EIF4B: variants seen among roughly 807,000 people sequenced by gnomAD.
EIF4B encodes the protein eukaryotic translation initiation factor 4B.
In EIF4B, 8 loss-of-function variants were observed where a neutral mutation model predicts 79.3. The ratio of observed to expected loss-of-function variants is 0.10; its 90% confidence interval spans 0.06 to 0.18. EIF4B has a LOEUF of 0.18. Ranked by LOEUF, EIF4B falls within the 10% of genes least tolerant of loss-of-function variation. The probability of loss-of-function intolerance (pLI) is 1.00; values close to 1 mark genes in which losing one functional copy is unlikely to be tolerated. For synonymous variants in EIF4B, 238 were observed against 274.7 expected (o/e 0.87, Z 1.32); for missense variants, 515 against 792.4 (o/e 0.65, Z 4.20).
chr12:53,026,762 C>T (rs1027205202), intron 6 of EIF4B, among the ~76,000 whole-genome samples: 1 of 152,038 alleles, frequency 6.6e-6, no homozygotes, highest in African/African-American at 2.4e-5. Context: ...CCACCATGCC[C>T]GGCTAATTTT....
intron 10 of EIF4B, among the ~76,000 whole-genome samples, chr12:53,037,099 A>ATATG (rs1555154409): frequency 1.3e-5 from 2 of 152,206 alleles, no homozygotes; most frequent in Non-Finnish European, 2.9e-5. Flanking sequence ...TCCTCTTCAC[A>ATATG]TATGTATATT....
intron 11 of EIF4B, 90 bp from the exon 12 acceptor site, chr12:53,038,266 C>T: frequency 2.6e-6 from 3 of 1,175,056 alleles, no homozygotes; most frequent in Non-Finnish European, 3.6e-6. Flanking sequence ...TTCTATAAAG[C>T]TTACCCACTG....
Position 53,019,910 on chromosome 12 carries a change from A to G in EIF4B, c.361A>G (p.Ile121Val). The G allele has an allele frequency of 6.2e-7, 1 of 1,608,156 alleles. No homozygotes were observed. Among genetic ancestry groups the G allele is most frequent in the Non-Finnish European group, 8.5e-7 (1 of 1,178,324 alleles). The change falls in exon 4 of 15, where the codon ATC (isoleucine) becomes GTC (valine). Residue 121 changes from isoleucine (I) to valine (V), a missense_variant and splice_region_variant. By Grantham distance (29) the Ile-to-Val change is conservative (BLOSUM62 3). Around this residue, in one of 6 missense-constraint regions of EIF4B, gnomAD observed 105 missense variants for 177.2 expected, o/e 0.59. Coordinates refer to ENST00000262056, the MANE Select transcript of EIF4B (RefSeq NM_001417.7). The part of the protein sequence containing the change: ...SIKEFFRGLN[I>V]SAVRLPREPS... Reference sequence around the variant, plus strand: ...TTGTTGTTGATTCTTATTCCTTCAGATCAGTGCAGTGCGTTTACCACGTGA... The same window carrying G: ...TTGTTGTTGATTCTTATTCCTTCAGGTCAGTGCAGTGCGTTTACCACGTGA...
Position 53,018,839 on chromosome 12 carries a change from G to A in EIF4B, c.193G>A (p.Ala65Thr). 1 of 1,613,352 alleles carries A rather than the reference G, an allele frequency of 6.2e-7. No homozygotes were observed. The highest frequency in any genetic ancestry group is 1.1e-5 in the South Asian group (1 of 91,048). Residue 65 changes from alanine (A) to threonine (T), a missense_variant, in exon 3 of 15, where the codon GCG becomes ACG. Coordinates refer to ENST00000262056, the MANE Select transcript of EIF4B (RefSeq NM_001417.7). ...WHSNDDDVYR[A>T]PPIDRSILPT... ...CAGTAACGATGACGATGTGTATAGG[G>A]CGCCTCCAATTGACCGTTCCATCCT...
chr12:53,034,805 C>A, intron 10 of EIF4B, 96 bp downstream of exon 10: 6 of 1,387,902 alleles, frequency 4.3e-6, no homozygotes, highest in South Asian at 1.2e-5. Context: ...TAAATTCAGT[C>A]ATGAACTCTT....
intron 6 of EIF4B, among the ~76,000 whole-genome samples, chr12:53,024,255 G>C (rs1190581980): frequency 6.6e-6 from 1 of 152,060 alleles, no homozygotes; most frequent in East Asian, 1.9e-4. Flanking sequence ...ATGGAAAGAA[G>C]CTACTACCTA....
chr12:53,013,063 CTTGT>C (rs1241194875), intron 1 of EIF4B, among the ~76,000 whole-genome samples: 1 of 152,160 alleles, frequency 6.6e-6, no homozygotes, highest in Admixed American at 6.5e-5. Context: ...AAAGAAGAAA[CTTGT>C]TTGTCAAAGG....
chr12:53,019,458 T>TTTTTTTTTTTTTTTTTG (rs1943210854), intron 3 of EIF4B, among the ~76,000 whole-genome samples: 1 of 78,930 alleles, frequency 1.3e-5, no homozygotes, highest in Non-Finnish European at 2.2e-5. Context: ...TTCTTTTTTT[T>TTTTTTTTTTTTTTTTTG]TTTTTTTTTT....
chr12:53,010,464 T>C (rs1438747237), intron 1 of EIF4B, among the ~76,000 whole-genome samples: 2 of 152,182 alleles, frequency 1.3e-5, no homozygotes, highest in African/African-American at 4.8e-5. Context: ...ATCTATATAG[T>C]GCAGTAAAGG....
At chr12:53,016,450 CT>C (rs767127097) in intron 1 of EIF4B, 22 bp from the exon 2 acceptor site, 2 of 1,611,776 alleles carry the variant, frequency 1.2e-6, no homozygotes, top group South Asian at 2.2e-5. Context: ...GGTGAATAAT[CT>C]TTCTCTTGCC....
intron 12 of EIF4B, 127 bp from the exon 13 acceptor site, chr12:53,039,111 G>A (rs1360722794): frequency 3.2e-6 from 2 of 629,490 alleles, no homozygotes; most frequent in Admixed American, 6.1e-5. Flanking sequence ...AGGAAGTCTG[G>A]GTTGGGGTGA....
At chr12:53,030,530 T>G (rs921972913) in intron 8 of EIF4B, among the ~76,000 whole-genome samples, 3 of 148,034 alleles carry the variant, frequency 2.0e-5, no homozygotes, top group Non-Finnish European at 4.5e-5. Context: ...CAAGTGATTC[T>G]CCTGCCTCAG....
Position 53,037,642 on chromosome 12 carries a change from G to C in EIF4B, c.1520+20G>C, listed in dbSNP as rs764411289. Reference sequence around the variant, plus strand: ...TACAAGGTGAGTCAGTTTGGAAACAGTAGTTGGTTAACTGCAGATTCTAAA... The same window carrying C: ...TACAAGGTGAGTCAGTTTGGAAACACTAGTTGGTTAACTGCAGATTCTAAA... On this transcript the variant is annotated intron_variant, in intron 11 of 14. Coordinates refer to ENST00000262056, the MANE Select transcript of EIF4B (RefSeq NM_001417.7). The C allele has an allele frequency of 6.2e-7, 1 of 1,612,616 alleles. No individual in the cohort carries two copies. The highest frequency in any genetic ancestry group is 8.5e-7 in the Non-Finnish European group (1 of 1,178,946).
chr12:53,031,429 A>G (rs1279517738), intron 8 of EIF4B, among the ~76,000 whole-genome samples: 1 of 152,128 alleles, frequency 6.6e-6, no homozygotes, highest in Admixed American at 6.5e-5. Context: ...GGTGCGTGCC[A>G]TATGCCTGGC....
At chr12:53,019,439 TTTTTTTTTTTC>T (rs1943206445) in intron 3 of EIF4B, among the ~76,000 whole-genome samples, 3 of 97,970 alleles carry the variant, frequency 3.1e-5, no homozygotes, top group African/African-American at 1.5e-4. Flanking sequence ...ATATATATAT[TTTTTTTTTTTC>T]TTTTTTTTTT....
intron 6 of EIF4B, among the ~76,000 whole-genome samples, chr12:53,027,393 A>C (rs955773814): frequency 3.3e-5 from 5 of 151,536 alleles, no homozygotes; most frequent in Admixed American, 2.0e-4. Flanking sequence ...CGGGCTCCCA[A>C]AGTGCTGCTG....
intron 6 of EIF4B, among the ~76,000 whole-genome samples, chr12:53,023,605 CA>C (rs1176946017): frequency 9.4e-6 from 1 of 105,854 alleles, no homozygotes; most frequent in East Asian, 3.9e-4. Context: ...TTTTTTGAGA[CA>C]GAGTTTCGCT....
intron 6 of EIF4B, among the ~76,000 whole-genome samples, chr12:53,025,783 A>G (rs1210915679): frequency 6.6e-6 from 1 of 152,150 alleles, no homozygotes; most frequent in Non-Finnish European, 1.5e-5. Flanking sequence ...TTCCAAAATG[A>G]AATCATTATT....
chr12:53,037,456 A>G lies in EIF4B; in HGVS notation c.1354A>G (p.Asn452Asp). ...SEKSLENETL[N>D]KEEDCHSPTS... ...GAAGTCTCTAGAAAATGAAACACTC[A>G]ATAAGGAGGAAGATTGCCACTCTCC... The change falls in exon 11 of 15, where the codon AAT becomes GAT. Residue 452 changes from asparagine (N) to aspartate (D), a missense_variant. By Grantham distance (23) the Asn-to-Asp change is conservative. Coordinates refer to ENST00000262056, the MANE Select transcript of EIF4B (RefSeq NM_001417.7). 1 of 1,613,328 alleles carries G rather than the reference A, an allele frequency of 6.2e-7. No homozygotes were observed. Among genetic ancestry groups the G allele is most frequent in the Non-Finnish European group, 8.5e-7 (1 of 1,179,704 alleles).
Sources: allele counts gnomAD v4.1 joint callset (sites outside exome capture counted in the v4.1 genomes callset), GRCh38; gene constraint gnomAD v4.1.1; regional missense constraint gnomAD v4.1.1; transcripts MANE v1.5; gene names NCBI Gene and HGNC (gene_info 2026-07-23, HGNC 2026-07-21).